The following ERC1 variants were observed in gnomAD, a reference collection of about 807,000 sequenced individuals.
The protein encoded by ERC1 is RAB6 interacting protein 2.
ERC1 carries 56 observed loss-of-function variants against 132.0 expected under a neutral mutation model. That is an observed-to-expected ratio of 0.42 (90% CI 0.34 to 0.53). The LOEUF (loss-of-function observed/expected upper bound fraction) is 0.53, where lower values mean the gene tolerates loss of function less well. ERC1 is among the 20% of genes least tolerant of loss of function. ERC1 has a pLI of 0.03. For synonymous variants in ERC1, 478 were observed against 476.1 expected, an observed-to-expected ratio of 1.00 and a Z score of -0.05; for missense variants, 1,202 against 1,349.9, an observed-to-expected ratio of 0.89 and a Z score of 1.72.
At chr12:1,098,973 G>A (rs1461404591) in intron 3 of ERC1, among the ~76,000 whole-genome samples, 1 of 152,214 alleles carries the variant, frequency 6.6e-6, no homozygotes, top group Non-Finnish European at 1.5e-5. Context: ...AGAGTGTGAT[G>A]TCCTAATAGT....
At chr12:1,399,348 A>T (rs2090825643) in intron 16 of ERC1, among the ~76,000 whole-genome samples, 1 of 152,180 alleles carries the variant, frequency 6.6e-6, no homozygotes. Flanking sequence ...TTCACATCCC[A>T]TGCAATTTAC....
intron 2 of ERC1, among the ~76,000 whole-genome samples, chr12:1,075,561 C>T (rs146687001): frequency 1.1e-4 from 16 of 152,156 alleles, no homozygotes; most frequent in African/African-American, 3.4e-4. Context: ...CGTGGTGGTG[C>T]TCACCTGTAA....
intron 1 of ERC1, among the ~76,000 whole-genome samples, chr12:1,001,657 G>A (rs1962308909): frequency 6.6e-6 from 1 of 152,042 alleles, no homozygotes; most frequent in South Asian, 2.1e-4. Context: ...CATATTGTAT[G>A]TATTCATGTC....
At position 1,214,694 on chromosome 12, in the gene ERC1, A is replaced by G. The variant is rs866296873; in HGVS notation, c.2352-22075A>G. Among the ~76,000 whole-genome samples the G allele has an allele frequency of 1.7e-3, 241 of 145,800 alleles. 1 individual carries two copies. Among genetic ancestry groups the G allele is most frequent in the Admixed American group, 4.8e-3 (70 of 14,554 alleles). ...CACACACACACACACACACACACAC[A>G]CACACACATATGTTTGGGGTGAGGA... On this transcript the variant is annotated intron_variant, in intron 12 of 18. Transcript: ENST00000360905.
At chr12:1,309,948 T>C (rs963644742) in intron 15 of ERC1, among the ~76,000 whole-genome samples, 9 of 149,930 alleles carry the variant, frequency 6.0e-5, no homozygotes, top group African/African-American at 2.2e-4. Context: ...TTTGTTTTGT[T>C]TTGTTTTGTT....
intron 15 of ERC1, among the ~76,000 whole-genome samples, chr12:1,358,822 G>A (rs1038177837): frequency 2.0e-5 from 3 of 152,220 alleles, no homozygotes; most frequent in Non-Finnish European, 4.4e-5. Flanking sequence ...GGGAAGCTGA[G>A]CTTGAGCCTC....
At chr12:1,052,211 C>T (rs1972145199) in intron 2 of ERC1, among the ~76,000 whole-genome samples, 1 of 152,194 alleles carries the variant, frequency 6.6e-6, no homozygotes, top group African/African-American at 2.4e-5. Context: ...GATGCTTCTG[C>T]TGCTGGTCAG....
At chr12:992,538 C>CT (rs911791776) in intron 1 of ERC1, among the ~76,000 whole-genome samples, 9 of 151,360 alleles carry the variant, frequency 5.9e-5, no homozygotes, top group South Asian at 4.2e-4. Flanking sequence ...AAATGGAACT[C>CT]TTTTTTTTTG....
intron 11 of ERC1, among the ~76,000 whole-genome samples, chr12:1,185,656 T>G (rs965791035): frequency 1.3e-5 from 2 of 152,078 alleles, no homozygotes; most frequent in African/African-American, 4.8e-5. Flanking sequence ...GTGAATGACA[T>G]TTTTATCACC....
At chr12:1,221,322 T>C (rs1385974601) in intron 12 of ERC1, among the ~76,000 whole-genome samples, 2 of 152,216 alleles carry the variant, frequency 1.3e-5, no homozygotes, top group Non-Finnish European at 2.9e-5. Context: ...AGTCCTCATC[T>C]CAGATCTATG....
chr12:1,409,796 C>T (rs763570301), intron 17 of ERC1, among the ~76,000 whole-genome samples: 1 of 152,276 alleles, frequency 6.6e-6, no homozygotes, highest in African/African-American at 2.4e-5. Context: ...GCAACCTACA[C>T]CTCCTGGGTT....
At chr12:1,046,323 T>C (rs1971074508) in intron 2 of ERC1, among the ~76,000 whole-genome samples, 1 of 152,180 alleles carries the variant, frequency 6.6e-6, no homozygotes, top group Non-Finnish European at 1.5e-5. Flanking sequence ...TAGTTTATAA[T>C]AGGGAACACC....
At chr12:1,106,121 G>A (rs192952710) in intron 4 of ERC1, among the ~76,000 whole-genome samples, 2 of 152,334 alleles carry the variant, frequency 1.3e-5, no homozygotes, top group East Asian at 3.8e-4. Flanking sequence ...AAGATATGGA[G>A]CAAATTACCT....
At chr12:1,396,771 A>G (rs1020678653) in intron 16 of ERC1, among the ~76,000 whole-genome samples, 3 of 152,166 alleles carry the variant, frequency 2.0e-5, no homozygotes, top group African/African-American at 7.2e-5. Flanking sequence ...TGGGTTTACA[A>G]AATGCCTATA....
intron 14 of ERC1, among the ~76,000 whole-genome samples, chr12:1,278,457 AATTTCAT>A (rs2078436085): frequency 6.6e-6 from 1 of 152,148 alleles, no homozygotes; most frequent in African/African-American, 2.4e-5. Flanking sequence ...AAAGAGTTGA[AATTTCAT>A]AGTATTGTTG....
Position 1,445,477 on chromosome 12 carries a change from C to T in ERC1, c.3213+727C>T, listed in dbSNP as rs2093280094. ...AACTCCTGACCTCAAGTGATCCTCC[C>T]ACCTTGGCCTCCCAAGGTGCTGGGA... On this transcript the variant is annotated intron_variant, in intron 18 of 18. Coordinates refer to ENST00000360905, the MANE Select transcript of ERC1 (RefSeq NM_178040.4). Among the ~76,000 whole-genome samples, 3 of 152,178 alleles carry T rather than the reference C, an allele frequency of 2.0e-5. No individual in the cohort carries two copies. In the South Asian group the frequency reaches 6.2e-4, roughly 32 times the overall value.
At chr12:1,152,340 T>C (rs1180202127) in intron 8 of ERC1, 1 of 152,320 alleles carries the variant, frequency 6.6e-6, no homozygotes, top group Non-Finnish European at 1.5e-5. Context: ...TCTGTGGCTT[T>C]CCTTGTTTGA....
chr12:1,361,608 A>T (rs187324096), intron 15 of ERC1, among the ~76,000 whole-genome samples: 2 of 152,194 alleles, frequency 1.3e-5, no homozygotes, highest in East Asian at 1.9e-4. Flanking sequence ...ATATCTAAAA[A>T]CTTAGCCTAA....
chr12:1,452,423 A>G (rs1212339287), intron 18 of ERC1, among the ~76,000 whole-genome samples: 1 of 151,878 alleles, frequency 6.6e-6, no homozygotes, highest in Non-Finnish European at 1.5e-5. Flanking sequence ...GTTTTTCTGT[A>G]TATCTATCTT....
Sources: gnomAD v4.1 joint callset for allele counts (sites outside exome capture counted in the v4.1 genomes callset) on GRCh38, gnomAD v4.1.1 for gene constraint, MANE v1.5 for transcripts, NCBI Gene and HGNC (gene_info 2026-07-23, HGNC 2026-07-21) for gene names.